Variants in USH2A observed in about 807,000 individuals in gnomAD.
USH2A encodes the protein Usher syndrome 2A (autosomal recessive, mild).
Under a neutral mutation model 538.9 loss-of-function variants are expected in USH2A, and 443 were observed. That is an observed-to-expected ratio of 0.82 (90% CI 0.76 to 0.89). USH2A has a LOEUF of 0.89. USH2A is among the 40% of genes least tolerant of loss of function. USH2A has a pLI of 0.00. For synonymous variants in USH2A, 2,413 were observed against 2,273.5 expected, an observed-to-expected ratio of 1.06 and a Z score of -1.75; for missense variants, 6,633 against 6,324.8, an observed-to-expected ratio of 1.05 and a Z score of -1.65.
At chr1:215,777,094 T>C (rs558820506) in intron 55 of USH2A, among the ~76,000 whole-genome samples, 1 of 152,274 alleles carries the variant, frequency 6.6e-6, no homozygotes, top group African/African-American at 2.4e-5. Context: ...GTCAAAGGAC[T>C]CCTAAAGGCT....
intron 50 of USH2A, among the ~76,000 whole-genome samples, chr1:215,790,583 G>A (rs1332296229): frequency 1.3e-5 from 2 of 152,200 alleles, no homozygotes; most frequent in Admixed American, 6.5e-5. Context: ...AAAACTGCCT[G>A]CGCATTTTGT....
intron 58 of USH2A, among the ~76,000 whole-genome samples, chr1:215,756,776 T>A (rs750572527): frequency 1.3e-5 from 2 of 151,826 alleles, no homozygotes; most frequent in African/African-American, 2.4e-5. Context: ...ATACAAAAAT[T>A]AGCCAGGCAT....
At chr1:215,786,539 G>A in intron 52 of USH2A, 131 bp downstream of exon 52, 1 of 955,754 alleles carries the variant, frequency 1.0e-6, no homozygotes, top group African/African-American at 1.6e-5. Flanking sequence ...TAACTAGCTG[G>A]CCTCAAAGTA....
At chr1:215,698,021 C>T in intron 61 of USH2A, among the ~76,000 whole-genome samples, 1 of 152,136 alleles carries the variant, frequency 6.6e-6, no homozygotes, top group East Asian at 1.9e-4. Flanking sequence ...TGTTCCCCTC[C>T]CTGTGCCCAT....
rs1558231778 is a variant in USH2A at position 216,050,584 on chromosome 1, C to CCTTTCCTTTCCTTTCCT, written c.6050-1938_6050-1937insAGGAAAGGAAAGGAAAG. Among the ~76,000 whole-genome samples, 2 of 33,062 alleles carry CCTTTCCTTTCCTTTCCT rather than the reference C, an allele frequency of 6.0e-5. 1 individual carries two copies. 21.7% of individuals were successfully genotyped at this position (33,062 alleles called of 152,430 possible). ...TTTTTCTTTCTTTCTTTCTTTCTTTCTTTCTTTCTTTCTTTCTTTCTTTTT... is the reference window on the plus strand; with the variant it reads ...TTTTTCTTTCTTTCTTTCTTTCTTTCCTTTCCTTTCCTTTCCTTTTCTTTCTTTCTTTCTTTCTTTTT... On this transcript the variant is annotated intron_variant, in intron 30 of 71. Transcript: ENST00000307340.
At chr1:216,014,838 C>T (rs1016818089) in intron 32 of USH2A, among the ~76,000 whole-genome samples, 17 of 152,180 alleles carry the variant, frequency 1.1e-4, no homozygotes, top group Non-Finnish European at 1.5e-4. Context: ...TGCTATTTTA[C>T]GATTGATTTC....
intron 14 of USH2A, among the ~76,000 whole-genome samples, chr1:216,223,052 T>C (rs898877433): frequency 5.3e-5 from 8 of 151,578 alleles, no homozygotes; most frequent in African/African-American, 1.5e-4. Flanking sequence ...TTTTTTTTTT[T>C]CCTAGAATCT....
intron 30 of USH2A, among the ~76,000 whole-genome samples, chr1:216,061,541 T>C (rs1173465763): frequency 6.6e-6 from 1 of 152,230 alleles, no homozygotes; most frequent in Non-Finnish European, 1.5e-5. Flanking sequence ...AGAGTTTCCC[T>C]GTGCTGGCTG....
intron 65 of USH2A, among the ~76,000 whole-genome samples, chr1:215,649,397 A>C (rs1656973134): frequency 6.6e-6 from 1 of 152,210 alleles, no homozygotes; most frequent in Non-Finnish European, 1.5e-5. Flanking sequence ...GGTTTTAATA[A>C]GTACTCTTCG....
intron 21 of USH2A, among the ~76,000 whole-genome samples, chr1:216,168,153 C>T (rs990773479): frequency 1.3e-5 from 2 of 152,122 alleles, no homozygotes; most frequent in Admixed American, 6.6e-5. Context: ...AGTTTCACTA[C>T]CATTGCTGAC....
chr1:216,009,869 C>G (rs1348116005), intron 32 of USH2A, among the ~76,000 whole-genome samples: 2 of 152,118 alleles, frequency 1.3e-5, no homozygotes. Context: ...AAGGCATAGT[C>G]AAGGTTAATG....
At position 216,078,046 on chromosome 1, in the gene USH2A, C is replaced by A. The variant is rs1478001245; in HGVS notation, c.5572+43G>T. 6 of 1,612,624 alleles carry A rather than the reference C, an allele frequency of 3.7e-6. No individual in the cohort carries two copies. The African/African-American group carries it at 8.0e-5, about 22-fold the overall frequency. ...ACAGAACCACCAAAAACTGTTAGCA[C>A]CAGGGCTGTATGGATTTGTGAATTC... On this transcript the variant is annotated intron_variant, in intron 27 of 71. Coordinates refer to ENST00000307340, the MANE Select transcript of USH2A (RefSeq NM_206933.4).
chr1:216,030,796 C>T (rs1669104796), intron 32 of USH2A, among the ~76,000 whole-genome samples: 2 of 151,028 alleles, frequency 1.3e-5, no homozygotes, highest in South Asian at 2.1e-4. Context: ...AAAGAAGTGA[C>T]CTGACCTTTC....
At chr1:215,736,375 C>G (rs1293840510) in intron 60 of USH2A, among the ~76,000 whole-genome samples, 1 of 152,074 alleles carries the variant, frequency 6.6e-6, no homozygotes, top group Non-Finnish European at 1.5e-5. Flanking sequence ...CTATTTACCA[C>G]AAGTGAAACA....
chr1:215,741,396 A>G lies in USH2A; in HGVS notation c.11690T>C (p.Ile3897Thr). The change falls in exon 60 of 72, where the codon ATC (isoleucine) becomes ACC (threonine). Residue 3897 changes from isoleucine (I) to threonine (T), a missense_variant. Transcript: ENST00000307340. ...WMPPEKPNGIIINYFIYRRPA... is the reference protein window; with the variant it reads ...WMPPEKPNGITINYFIYRRPA... ...TTACCTGTAAATAAAGTAGTTGATGATGATTCCATTTGGTTTTTCAGGTGG... is the reference window on the plus strand; with the variant it reads ...TTACCTGTAAATAAAGTAGTTGATGGTGATTCCATTTGGTTTTTCAGGTGG... The G allele has an allele frequency of 6.2e-7, 1 of 1,614,154 alleles. No homozygotes were observed. The highest frequency in any genetic ancestry group is 8.5e-7 in the Non-Finnish European group (1 of 1,180,028).
chr1:216,141,369 C>T (rs1245320135), intron 21 of USH2A, among the ~76,000 whole-genome samples: 1 of 152,180 alleles, frequency 6.6e-6, no homozygotes, highest in Non-Finnish European at 1.5e-5. Context: ...AGGCTGGCAC[C>T]CTAGCGAGCA....
At chr1:215,679,622 T>C (rs79464273) in intron 62 of USH2A, among the ~76,000 whole-genome samples, 1,576 of 152,326 alleles carry the variant, frequency 0.01, 26 homozygotes, top group African/African-American at 0.035. Flanking sequence ...GAGATACGTA[T>C]ACAACATTTA....
At chr1:216,299,051 C>T (rs1374417399) in intron 9 of USH2A, among the ~76,000 whole-genome samples, 1 of 152,014 alleles carries the variant, frequency 6.6e-6, no homozygotes, top group Admixed American at 6.5e-5. Context: ...ACCATGTTAG[C>T]CAGGATGGTC....
intron 21 of USH2A, among the ~76,000 whole-genome samples, chr1:216,113,426 T>A (rs1038102076): frequency 6.6e-6 from 1 of 152,182 alleles, no homozygotes; most frequent in African/African-American, 2.4e-5. Context: ...TTTCAGCCAC[T>A]GTCAGGCAAA....
Sources: gnomAD v4.1 joint callset for allele counts (sites outside exome capture counted in the v4.1 genomes callset) on GRCh38, gnomAD v4.1.1 for gene constraint, MANE v1.5 for transcripts, NCBI Gene and HGNC (gene_info 2026-07-23, HGNC 2026-07-21) for gene names.